The following HNRNPM variants were observed in gnomAD, a reference collection of about 807,000 sequenced individuals.
HNRNPM encodes the protein heterogeneous nuclear ribonucleoprotein M.
Under a neutral mutation model 73.1 loss-of-function variants are expected in HNRNPM, and 11 were observed. The observed-to-expected ratio is 0.15, with a 90% CI of 0.09 to 0.25. The LOEUF is 0.25. HNRNPM is among the 10% of genes least tolerant of loss of function. The probability of loss-of-function intolerance (pLI) is 1.00; values close to 1 mark genes in which losing one functional copy is unlikely to be tolerated. For synonymous variants in HNRNPM, 407 were observed against 355.2 expected (o/e 1.15, Z -1.64); for missense variants, 789 against 1,067.9 (o/e 0.74, Z 3.64).
In HNRNPM at chr19:8,468,633, T is replaced by C. The variant is rs1037993175; in HGVS notation, c.835-141T>C. 26 of 654,996 alleles carry C rather than the reference T, an allele frequency of 4.0e-5. No homozygotes were observed. In the Admixed American group the frequency reaches 5.2e-4, roughly 13 times the overall value. 40.6% of individuals were successfully genotyped at this position (654,996 alleles called of 1,614,324 possible). On this transcript the variant is annotated intron_variant, in intron 8 of 15. Coordinates refer to ENST00000325495, the MANE Select transcript of HNRNPM (RefSeq NM_005968.5). ...AAATAGGAAGCATGCTCCGCATGCC[T>C]TTCTACCCTTGCGTATTACTCCATG...
chr19:8,469,853 G>T (rs752071963), intron 9 of HNRNPM, among the ~76,000 whole-genome samples: 1 of 152,240 alleles, frequency 6.6e-6, no homozygotes, highest in Admixed American at 6.5e-5. Flanking sequence ...TTGGATGGGA[G>T]CCCAGGCCAG....
At position 8,475,116 on chromosome 19, in the gene HNRNPM, T is replaced by C. The variant is rs548451257; in HGVS notation, c.1120+872T>C. Among the ~76,000 whole-genome samples, 31 of 152,370 alleles carry C rather than the reference T, an allele frequency of 2.0e-4. No individual in the cohort carries two copies. The East Asian group carries it at 3.9e-3, about 19-fold the overall frequency. On this transcript the variant is annotated intron_variant, in intron 12 of 15. Coordinates refer to ENST00000325495, the MANE Select transcript of HNRNPM (RefSeq NM_005968.5). ...CATGATATGTACATACTGCTATCCT[T>C]GTTTCATCTGAAACTGAGGCACAGA...
intron 9 of HNRNPM, among the ~76,000 whole-genome samples, chr19:8,470,192 A>G (rs1351545013): frequency 1.3e-5 from 2 of 152,184 alleles, no homozygotes; most frequent in African/African-American, 4.8e-5. Context: ...TTGGGAGAGT[A>G]AGTCACCGTG....
At position 8,445,321 on chromosome 19, in the gene HNRNPM, C is replaced by T. The variant is rs1968063067; in HGVS notation, c.113+210C>T. 4 of 411,448 alleles carry T rather than the reference C, an allele frequency of 9.7e-6. No individual in the cohort carries two copies. The East Asian group carries it at 1.5e-4, about 15-fold the overall frequency. The allele number at this position is 411,448 out of a possible 1,614,324, so 25.5% of individuals were successfully genotyped here. ...ATCGTCCCCTACACCGGGCCTCGAG[C>T]CTCGCCACCCTCAGTCCCTCCAGGC... On this transcript the variant is annotated intron_variant, in intron 1 of 15. Coordinates refer to ENST00000325495, the MANE Select transcript of HNRNPM (RefSeq NM_005968.5).
intron 5 of HNRNPM, among the ~76,000 whole-genome samples, chr19:8,465,067 C>CTT (rs1273384479): frequency 1.3e-5 from 2 of 152,136 alleles, no homozygotes; most frequent in Admixed American, 1.3e-4. Context: ...CCCTACCCTG[C>CTT]TTTTCTTTTT....
At chr19:8,479,074 CTTTCTTTTTTTTT>C (rs1970712325) in intron 12 of HNRNPM, among the ~76,000 whole-genome samples, 1 of 80,942 alleles carries the variant, frequency 1.2e-5, no homozygotes. Flanking sequence ...TTTTTTCTTT[CTTTCTTTTTTTTT>C]TTTTTTTTTT....
In HNRNPM at chr19:8,485,947, A is replaced by T. The variant is rs780625615; in HGVS notation, c.1519A>T (p.Thr507Ser). Residue 507 changes from threonine to serine, a missense_variant, in exon 14 of 16, where the codon ACC (threonine) becomes TCC (serine). Transcript: ENST00000325495. Reference sequence around the variant, plus strand: ...CGCTCCCATCGACCGTGTGGGCCAGACCATTGAGCGCATGGGCTCTGGCGT... The same window carrying T: ...CGCTCCCATCGACCGTGTGGGCCAGTCCATTGAGCGCATGGGCTCTGGCGT... ...MAAPIDRVGQ[T>S]IERMGSGVER... The T allele has an allele frequency of 1.9e-6, 3 of 1,604,618 alleles. No homozygotes were observed. In the South Asian group the frequency reaches 3.3e-5, roughly 18 times the overall value.
intron 1 of HNRNPM, among the ~76,000 whole-genome samples, chr19:8,451,743 C>G (rs1195811486): frequency 1.3e-5 from 2 of 152,064 alleles, no homozygotes; most frequent in Non-Finnish European, 2.9e-5. Context: ...GTTACCCAGG[C>G]TGGTCTCAAG....
intron 12 of HNRNPM, among the ~76,000 whole-genome samples, chr19:8,480,653 ACT>A (rs995088360): frequency 1.1e-4 from 16 of 149,044 alleles, no homozygotes; most frequent in Non-Finnish European, 1.8e-4. Flanking sequence ...ACAGAGTGAG[ACT>A]CTGTCTCAAA....
rs749133832 is a variant in HNRNPM, at chr19:8,485,980, A to G, written c.1552A>G (p.Met518Val). The G allele has an allele frequency of 3.1e-6, 5 of 1,601,052 alleles. No individual in the cohort carries two copies. The highest frequency in any genetic ancestry group is 1.1e-5 in the South Asian group (1 of 90,970). The change falls in exon 14 of 16, where the codon ATG becomes GTG. Residue 518 changes from methionine (M) to valine (V), a missense_variant. This residue lies in a region of HNRNPM where 604 missense variants were observed against 744.0 expected (regional missense o/e 0.81). Coordinates refer to ENST00000325495, the MANE Select transcript of HNRNPM (RefSeq NM_005968.5). ...IERMGSGVERMGPAIERMGLS... is the reference protein window; with the variant it reads ...IERMGSGVERVGPAIERMGLS... ...GCGCATGGGCTCTGGCGTGGAGCGC[A>G]TGGGCCCTGCCATCGAGCGCATGGG...
At chr19:8,450,728 T>TTTTA (rs201731879) in intron 1 of HNRNPM, among the ~76,000 whole-genome samples, 5 of 109,100 alleles carry the variant, frequency 4.6e-5, no homozygotes, top group African/African-American at 1.6e-4. Flanking sequence ...ATTATTATTA[T>TTTTA]TTTTTTTTTT....
intron 8 of HNRNPM, among the ~76,000 whole-genome samples, chr19:8,468,485 G>A (rs1439427075): frequency 6.6e-6 from 1 of 152,104 alleles, no homozygotes; most frequent in African/African-American, 2.4e-5. Flanking sequence ...ATAGATTCAC[G>A]TGACTCAAAA....
intron 10 of HNRNPM, among the ~76,000 whole-genome samples, 189 bp downstream of exon 10, chr19:8,471,616 TAA>T (rs1970145027): frequency 6.6e-6 from 1 of 152,242 alleles, no homozygotes; most frequent in South Asian, 2.1e-4. Context: ...AGTCATTTTT[TAA>T]AAAGTCATTA....
intron 1 of HNRNPM, among the ~76,000 whole-genome samples, chr19:8,454,746 T>G (rs1968883927): frequency 7.0e-6 from 1 of 142,412 alleles, no homozygotes; most frequent in South Asian, 2.4e-4. Flanking sequence ...TGGGCCTATG[T>G]GTACTACCTC....
intron 8 of HNRNPM, 28 bp from the exon 9 acceptor site, chr19:8,468,746 A>G: frequency 6.3e-7 from 1 of 1,591,884 alleles, no homozygotes; most frequent in Non-Finnish European, 8.6e-7. Flanking sequence ...CTGGATACTG[A>G]GATTTGTTTG....
chr19:8,471,581 A>C (rs1970141985), intron 10 of HNRNPM, among the ~76,000 whole-genome samples, 154 bp downstream of exon 10: 1 of 152,220 alleles, frequency 6.6e-6, no homozygotes, highest in Admixed American at 6.5e-5. Flanking sequence ...GAATAAAGGC[A>C]GTATTTTGTA....
Position 8,467,604 on chromosome 19 carries a change from C to T in HNRNPM, c.834+20C>T, listed in dbSNP as rs774839212. The T allele has an allele frequency of 9.6e-6, 15 of 1,567,294 alleles. No homozygotes were observed. In the Admixed American group the frequency reaches 2.3e-4, roughly 24 times the overall value. On this transcript the variant is annotated intron_variant, in intron 8 of 15. Coordinates refer to ENST00000325495, the MANE Select transcript of HNRNPM (RefSeq NM_005968.5). ...AAGATGGTAAGTCAGTAGGATCTTT[C>T]TCTGTGATATACTCAAGTCTAGCAA...
intron 1 of HNRNPM, among the ~76,000 whole-genome samples, chr19:8,453,898 C>T (rs1968805856): frequency 6.6e-6 from 1 of 152,226 alleles, no homozygotes; most frequent in Middle Eastern, 3.4e-3. Flanking sequence ...TGTGGTGGCA[C>T]CTAGCACACA....
At chr19:8,486,993 G>C (rs1021631429) in intron 14 of HNRNPM, 31 bp from the exon 15 acceptor site, 5 of 1,587,040 alleles carry the variant, frequency 3.2e-6, no homozygotes, top group Non-Finnish European at 4.3e-6. Flanking sequence ...GTTTAATCAC[G>C]CATCAGTCTC....
Sources: allele counts gnomAD v4.1 joint callset (sites outside exome capture counted in the v4.1 genomes callset), GRCh38; gene constraint gnomAD v4.1.1; regional missense constraint gnomAD v4.1.1; transcripts MANE v1.5; gene names NCBI Gene and HGNC (gene_info 2026-07-23, HGNC 2026-07-21).